The following POC1A variants were observed in gnomAD, a reference collection of about 807,000 sequenced individuals.
The protein encoded by POC1A is POC1 centriolar protein homolog A.
In POC1A, 34 loss-of-function variants were observed where a neutral mutation model predicts 47.8. The ratio of observed to expected loss-of-function variants is 0.71; its 90% CI spans 0.54 to 0.95. The LOEUF is 0.95. Ranked by LOEUF, POC1A falls within the 40% of genes least tolerant of loss-of-function variation. The pLI, the probability that POC1A is intolerant of heterozygous loss-of-function variation, is 0.00. For synonymous variants in POC1A, 177 were observed against 207.6 expected, an observed-to-expected ratio of 0.85 and a Z score of 1.27; for missense variants, 466 against 528.3, an observed-to-expected ratio of 0.88 and a Z score of 1.16.
At chr3:52,092,669 G>A (rs76748990) in intron 10 of POC1A, among the ~76,000 whole-genome samples, 27 of 152,286 alleles carry the variant, frequency 1.8e-4, no homozygotes, top group Non-Finnish European at 2.4e-4. Context: ...AAACAACTAC[G>A]TGGGGAGGCC....
rs1380062644 is a variant in POC1A at position 52,084,058 on chromosome 3, G to T, written c.1126-8073C>A. ...AGGCTCACAGGTCTGAGTAGGCACA[G>T]CCAGGGAGGATGCTGCTCCCACGTG... On this transcript the variant is annotated intron_variant, in intron 10 of 10. Coordinates refer to ENST00000296484, the MANE Select transcript of POC1A (RefSeq NM_015426.5). This position sits in a 1 kb window ranked among gnomAD's most constrained non-coding sequence, Gnocchi z 4.3. Among the ~76,000 whole-genome samples, 1 of 152,226 alleles carries T rather than the reference G, an allele frequency of 6.6e-6. No individual in the cohort carries two copies. Among genetic ancestry groups the T allele is most frequent in the Non-Finnish European group, 1.5e-5 (1 of 68,040 alleles).
intron 9 of POC1A, among the ~76,000 whole-genome samples, chr3:52,113,401 C>T (rs756093829): frequency 1.2e-4 from 19 of 152,180 alleles, no homozygotes; most frequent in Non-Finnish European, 2.4e-4. Flanking sequence ...AGGAAACATT[C>T]TACAAAAACT....
intron 9 of POC1A, among the ~76,000 whole-genome samples, chr3:52,121,323 A>C (rs575793857): frequency 6.6e-6 from 1 of 152,224 alleles, no homozygotes; most frequent in Non-Finnish European, 1.5e-5. Flanking sequence ...CAAGCAGTGC[A>C]TCATGCAGCC....
At chr3:52,076,132 T>C in intron 10 of POC1A, 147 bp from the exon 11 acceptor site, 1 of 640,018 alleles carries the variant, frequency 1.6e-6, no homozygotes, top group Non-Finnish European at 2.9e-6. Flanking sequence ...CCAGGCCCCT[T>C]GTCTCTGGTG....
intron 6 of POC1A, among the ~76,000 whole-genome samples, chr3:52,145,614 T>A (rs1047200809): frequency 7.9e-5 from 12 of 152,158 alleles, no homozygotes; most frequent in African/African-American, 2.9e-4. Context: ...GAGGTGAGCA[T>A]TGACTGGCTC....
At chr3:52,102,054 T>G (rs1316662831) in intron 9 of POC1A, among the ~76,000 whole-genome samples, 2 of 152,222 alleles carry the variant, frequency 1.3e-5, no homozygotes, top group Non-Finnish European at 2.9e-5. Flanking sequence ...ATTTCTTTCT[T>G]AATCCTTGGT....
chr3:52,101,102 A>AAG (rs1469275765), intron 9 of POC1A, among the ~76,000 whole-genome samples: 1 of 151,646 alleles, frequency 6.6e-6, no homozygotes, highest in East Asian at 1.9e-4. Context: ...AAAAAAAAAA[A>AAG]AAAAAAAATA....
At chr3:52,093,243 T>C (rs1017844516) in intron 10 of POC1A, among the ~76,000 whole-genome samples, 3 of 152,214 alleles carry the variant, frequency 2.0e-5, no homozygotes, top group African/African-American at 7.2e-5. Flanking sequence ...GGCTCTGACC[T>C]TGGCAGATTC....
chr3:52,105,775 A>G (rs1204830552), intron 9 of POC1A, among the ~76,000 whole-genome samples: 5 of 152,248 alleles, frequency 3.3e-5, no homozygotes, highest in African/African-American at 1.2e-4. Context: ...TCCTGCCTCC[A>G]GGCAGCCTGA....
chr3:52,115,155 T>C (rs1703518441), intron 9 of POC1A, among the ~76,000 whole-genome samples: 1 of 152,152 alleles, frequency 6.6e-6, no homozygotes, highest in Admixed American at 6.5e-5. Context: ...TAGTATTTTT[T>C]TTTTTTAAGA....
intron 1 of POC1A, 89 bp from the exon 2 acceptor site, chr3:52,151,189 G>T: frequency 6.3e-7 from 1 of 1,580,906 alleles, no homozygotes; most frequent in South Asian, 1.1e-5. Flanking sequence ...AGCCGGGGGA[G>T]TAGGGTTAAA....
chr3:52,081,593 G>A (rs1702283095), intron 10 of POC1A, among the ~76,000 whole-genome samples: 1 of 152,216 alleles, frequency 6.6e-6, no homozygotes, highest in South Asian at 2.1e-4. Flanking sequence ...AAACGGGAGG[G>A]ATGGACCATA....
rs1423723229 is a variant in POC1A at position 52,084,239 on chromosome 3, A to C, written c.1126-8254T>G. On this transcript the variant is annotated intron_variant, in intron 10 of 10. Coordinates refer to ENST00000296484, the MANE Select transcript of POC1A (RefSeq NM_015426.5). The surrounding 1 kb of genome is among the most constrained non-coding windows in gnomAD (Gnocchi z 4.3). ...GAGCACAGACCAAGGGCACACCCTC[A>C]GAGACAGGTCCCTTCCAGGAGCTGC... 6.6e-6 allele frequency among the ~76,000 whole-genome samples: 1 copy of C among 152,218 alleles called. No homozygotes were observed. Among genetic ancestry groups the C allele is most frequent in the Non-Finnish European group, 1.5e-5 (1 of 68,044 alleles).
chr3:52,117,774 C>G (rs1262282673), intron 9 of POC1A, among the ~76,000 whole-genome samples: 1 of 152,102 alleles, frequency 6.6e-6, no homozygotes, highest in Non-Finnish European at 1.5e-5. Context: ...CCTTTCTTCC[C>G]CATTGCATAA....
At position 52,087,997 on chromosome 3, in the gene POC1A, T is replaced by C. The variant is rs1416035781; in HGVS notation, c.1125+8572A>G. On this transcript the variant is annotated intron_variant, in intron 10 of 10. Transcript: ENST00000296484. ...TCCAAACAGGGCTGAGCATGGGGTG[T>C]GGACCTTGACCTTGGCCGCCTTCTG... is the stretch of plus-strand genomic sequence containing the variant. Among the ~76,000 whole-genome samples the C allele has an allele frequency of 2.6e-5, 4 of 152,204 alleles. No individual in the cohort carries two copies. In the East Asian group the frequency reaches 5.8e-4, roughly 22 times the overall value.
At chr3:52,153,375 C>A (rs529943712) in intron 1 of POC1A, among the ~76,000 whole-genome samples, 137 of 152,326 alleles carry the variant, frequency 9.0e-4, no homozygotes, top group Middle Eastern at 3.4e-3. Flanking sequence ...GTCCTTGGGG[C>A]ACAGCAAAGC....
At chr3:52,115,914 C>A (rs944285018) in intron 9 of POC1A, among the ~76,000 whole-genome samples, 1 of 152,110 alleles carries the variant, frequency 6.6e-6, no homozygotes, top group Admixed American at 6.6e-5. Context: ...AATACTTAAC[C>A]AGTATAATGT....
At chr3:52,124,041 C>A (rs1480647178) in intron 8 of POC1A, among the ~76,000 whole-genome samples, 1 of 152,200 alleles carries the variant, frequency 6.6e-6, no homozygotes, top group Non-Finnish European at 1.5e-5. Flanking sequence ...CTACCCTCTG[C>A]CTTACTGGAA....
chr3:52,091,210 C>T (rs186839701), intron 10 of POC1A, among the ~76,000 whole-genome samples: 1 of 152,132 alleles, frequency 6.6e-6, no homozygotes, highest in East Asian at 1.9e-4. Flanking sequence ...GAGCAGGGCC[C>T]TTGGACCCTG....
Sources: gnomAD v4.1 joint callset for allele counts (sites outside exome capture counted in the v4.1 genomes callset) on GRCh38, gnomAD v4.1.1 for gene constraint, Gnocchi (gnomAD v3.1) non-coding constraint, MANE v1.5 for transcripts, NCBI Gene and HGNC (gene_info 2026-07-23, HGNC 2026-07-21) for gene names.